Variants in INPP4B observed in about 807,000 individuals in gnomAD.
The protein encoded by INPP4B is inositol polyphosphate 4-phosphatase type II.
A neutral mutation model predicts 122.5 loss-of-function variants in INPP4B; 55 were observed. The ratio of observed to expected loss-of-function variants is 0.45; its 90% CI spans 0.36 to 0.56. The LOEUF (loss-of-function observed/expected upper bound fraction) is 0.56, where lower values mean the gene tolerates loss of function less well. Ranked by LOEUF, INPP4B falls within the 20% of genes least tolerant of loss-of-function variation. The probability of loss-of-function intolerance (pLI) is 0.00; values close to 1 mark genes in which losing one functional copy is unlikely to be tolerated. For synonymous variants in INPP4B, 403 were observed against 388.7 expected (o/e 1.04, Z -0.43); for missense variants, 1,000 against 1,097.7 (o/e 0.91, Z 1.26).
At chr4:142,400,684 G>GTT (rs927915134) in intron 7 of INPP4B, among the ~76,000 whole-genome samples, 2 of 152,126 alleles carry the variant, frequency 1.3e-5, no homozygotes, top group African/African-American at 2.4e-5. Flanking sequence ...TATTTCTTAA[G>GTT]TATGTTCAAA....
intron 1 of INPP4B, among the ~76,000 whole-genome samples, chr4:142,777,356 T>C (rs1774082275): frequency 6.6e-6 from 1 of 152,116 alleles, no homozygotes; most frequent in Non-Finnish European, 1.5e-5. Context: ...CAATCATGTG[T>C]AAACTGCCTA....
chr4:142,699,074 G>T (rs1182411617), intron 2 of INPP4B, among the ~76,000 whole-genome samples: 1 of 152,166 alleles, frequency 6.6e-6, no homozygotes, highest in Admixed American at 6.5e-5. Flanking sequence ...GACAGAGGTG[G>T]TGCATGGGTG....
At chr4:142,479,834 A>G (rs1820285865) in intron 2 of INPP4B, among the ~76,000 whole-genome samples, 1 of 152,096 alleles carries the variant, frequency 6.6e-6, no homozygotes. Flanking sequence ...GAGGGAGAGG[A>G]TTGATAAACC....
intron 23 of INPP4B, among the ~76,000 whole-genome samples, chr4:142,086,733 T>G (rs336322): frequency 0.99 from 150,025 of 152,236 alleles, 73,972 homozygotes; most frequent in Middle Eastern, 1. Context: ...AATTTACCTG[T>G]TTTTTTCTTT....
intron 7 of INPP4B, among the ~76,000 whole-genome samples, chr4:142,339,523 C>A (rs1462384240): frequency 2.6e-5 from 4 of 152,094 alleles, no homozygotes; most frequent in African/African-American, 7.2e-5. Context: ...AGGATAGGTT[C>A]TTTTTACCAG....
chr4:142,394,087 A>G (rs934932330), intron 7 of INPP4B, among the ~76,000 whole-genome samples: 6 of 152,132 alleles, frequency 3.9e-5, no homozygotes, highest in Non-Finnish European at 5.9e-5. Flanking sequence ...GATTGTACCA[A>G]TTTACATTCC....
intron 15 of INPP4B, among the ~76,000 whole-genome samples, chr4:142,179,245 G>A (rs1450525264): frequency 1.3e-5 from 2 of 152,012 alleles, no homozygotes; most frequent in Admixed American, 1.3e-4. Context: ...GGCCGAGGTG[G>A]GCAGCTTGCC....
intron 7 of INPP4B, among the ~76,000 whole-genome samples, chr4:142,370,430 A>G (rs1373661580): frequency 6.6e-6 from 1 of 152,192 alleles, no homozygotes; most frequent in Non-Finnish European, 1.5e-5. Context: ...TCTACATAAT[A>G]TAATGCTATG....
intron 2 of INPP4B, among the ~76,000 whole-genome samples, chr4:142,631,819 C>T (rs1056025788): frequency 6.6e-6 from 1 of 152,004 alleles, no homozygotes; most frequent in African/African-American, 2.4e-5. Flanking sequence ...GAGTTCTCTA[C>T]CAAAATACAA....
intron 3 of INPP4B, among the ~76,000 whole-genome samples, chr4:142,443,325 G>A (rs987843986): frequency 6.6e-6 from 1 of 152,052 alleles, no homozygotes; most frequent in Non-Finnish European, 1.5e-5. Context: ...GTCCCTTTGA[G>A]GTACATGCCT....
rs568267290 is a variant in INPP4B at position 142,627,744 on chromosome 4, G to T, written c.-191+98095C>A. Among the ~76,000 whole-genome samples, 71 of 152,096 alleles carry T rather than the reference G, an allele frequency of 4.7e-4. No homozygotes were observed. The East Asian group carries it at 5.0e-3, about 11-fold the overall frequency. ...TTGGTTGTGTCTCTGCCCAGCTTTG[G>T]TATCAGAATGATGCTGGCCTCATAA... On this transcript the variant is annotated intron_variant, in intron 2 of 25. Coordinates refer to ENST00000262992, the MANE Select transcript of INPP4B (RefSeq NM_001101669.3).
chr4:142,398,363 G>A (rs1447828905), intron 7 of INPP4B, among the ~76,000 whole-genome samples: 2 of 99,284 alleles, frequency 2.0e-5, no homozygotes, highest in Non-Finnish European at 1.8e-5. Flanking sequence ...GGGTAACAGA[G>A]CCAGACTCTG....
intron 7 of INPP4B, among the ~76,000 whole-genome samples, chr4:142,398,638 T>C (rs1365713156): frequency 6.9e-6 from 1 of 145,432 alleles, no homozygotes; most frequent in Non-Finnish European, 1.5e-5. Flanking sequence ...ATAAATTAAA[T>C]GCAAAACATT....
chr4:142,298,683 CAAAA>C (rs386401712), intron 9 of INPP4B, among the ~76,000 whole-genome samples: 9 of 66,444 alleles, frequency 1.4e-4, no homozygotes, highest in African/African-American at 5.6e-4. Context: ...GACTCTGTCT[CAAAA>C]AAAAAAAAAA....
chr4:142,804,682 T>C (rs763404274), intron 1 of INPP4B, among the ~76,000 whole-genome samples: 24 of 152,210 alleles, frequency 1.6e-4, no homozygotes, highest in Non-Finnish European at 3.2e-4. Flanking sequence ...GTTTTTGTTT[T>C]TTGAGACATG....
chr4:142,143,290 T>C (rs1466568918), intron 18 of INPP4B, among the ~76,000 whole-genome samples: 1 of 152,018 alleles, frequency 6.6e-6, no homozygotes, highest in Non-Finnish European at 1.5e-5. Context: ...CTATTTACTA[T>C]CTTCCTAAAA....
chr4:142,246,072 T>C (rs199762784), intron 11 of INPP4B, among the ~76,000 whole-genome samples: 1,828 of 135,990 alleles, frequency 0.013, 72 homozygotes, highest in African/African-American at 0.057. Context: ...TGTGTGTGTA[T>C]ACACACATTA....
intron 2 of INPP4B, among the ~76,000 whole-genome samples, chr4:142,608,771 C>T (rs1461832160): frequency 6.6e-6 from 1 of 152,196 alleles, no homozygotes; most frequent in Admixed American, 6.5e-5. Context: ...ACTGCATGCA[C>T]AGCCATTAAC....
chr4:142,788,815 G>GAGT (rs1580920057), intron 1 of INPP4B, among the ~76,000 whole-genome samples: 1 of 152,046 alleles, frequency 6.6e-6, no homozygotes, highest in East Asian at 1.9e-4. Flanking sequence ...TTTTATGGCT[G>GAGT]AGTAGTATTC....
Sources: gnomAD v4.1 joint callset for allele counts (sites outside exome capture counted in the v4.1 genomes callset) on GRCh38, gnomAD v4.1.1 for gene constraint, MANE v1.5 for transcripts, NCBI Gene and HGNC (gene_info 2026-07-23, HGNC 2026-07-21) for gene names.